CCDC172: variants seen among roughly 807,000 people sequenced by gnomAD.
The protein encoded by CCDC172 is coiled-coil domain-containing protein 172.
CCDC172 carries 30 observed loss-of-function variants against 38.0 expected under a neutral mutation model. The observed-to-expected ratio is 0.79, with a 90% CI of 0.59 to 1.07. The LOEUF (loss-of-function observed/expected upper bound fraction) is 1.07, where lower values mean the gene tolerates loss of function less well. CCDC172 is among the 50% of genes least tolerant of loss of function. The probability of loss-of-function intolerance (pLI) is 0.00; values close to 1 mark genes in which losing one functional copy is unlikely to be tolerated. For synonymous variants in CCDC172, 78 were observed against 88.3 expected (o/e 0.88, Z 0.66); for missense variants, 297 against 290.1 (o/e 1.02, Z -0.17).
intron 3 of CCDC172, among the ~76,000 whole-genome samples, chr10:116,332,420 G>T (rs757741369): frequency 6.6e-6 from 1 of 151,858 alleles, no homozygotes; most frequent in Non-Finnish European, 1.5e-5. Context: ...TTTGTTTTTT[G>T]ATGAGTCTGT....
chr10:116,329,665 C>A (rs1410917997), intron 3 of CCDC172, among the ~76,000 whole-genome samples: 1 of 152,104 alleles, frequency 6.6e-6, no homozygotes, highest in Non-Finnish European at 1.5e-5. Flanking sequence ...TAATACTATA[C>A]AAAGGTACCA....
chr10:116,355,441 T>A (rs1455707571), intron 5 of CCDC172, among the ~76,000 whole-genome samples: 1 of 152,174 alleles, frequency 6.6e-6, no homozygotes, highest in Non-Finnish European at 1.5e-5. Context: ...CTTGATGATG[T>A]TCTCACAACA....
chr10:116,331,836 T>C (rs991275206), intron 3 of CCDC172, among the ~76,000 whole-genome samples: 5 of 152,120 alleles, frequency 3.3e-5, no homozygotes, highest in Non-Finnish European at 7.4e-5. Flanking sequence ...TTTCCCCTGT[T>C]AAGGACCAGT....
chr10:116,344,864 TAA>T (rs77344850), intron 5 of CCDC172, among the ~76,000 whole-genome samples: 43 of 116,608 alleles, frequency 3.7e-4, no homozygotes, highest in Admixed American at 4.2e-4. Flanking sequence ...TACTTGAAAC[TAA>T]AAAAAAAAAA....
At chr10:116,346,514 T>C (rs900042069) in intron 5 of CCDC172, among the ~76,000 whole-genome samples, 1 of 152,054 alleles carries the variant, frequency 6.6e-6, no homozygotes, top group Non-Finnish European at 1.5e-5. Flanking sequence ...CTGTGAAGGG[T>C]CACAAATAAT....
At chr10:116,346,214 C>A (rs1251395348) in intron 5 of CCDC172, among the ~76,000 whole-genome samples, 1 of 150,420 alleles carries the variant, frequency 6.6e-6, no homozygotes, top group Non-Finnish European at 1.5e-5. Context: ...ATGGCTTGAA[C>A]CCAGGAGGCG....
At chr10:116,366,506 T>C (rs1271963131) in intron 7 of CCDC172, among the ~76,000 whole-genome samples, 1 of 152,218 alleles carries the variant, frequency 6.6e-6, no homozygotes, top group Non-Finnish European at 1.5e-5. Context: ...TTATACTATC[T>C]GGGATTTGTA....
chr10:116,363,695 G>C (rs935262238), intron 7 of CCDC172, among the ~76,000 whole-genome samples: 3 of 152,034 alleles, frequency 2.0e-5, no homozygotes, highest in Non-Finnish European at 4.4e-5. Flanking sequence ...CCAACACTTT[G>C]GGAGGCCAAA....
At chr10:116,332,709 A>G (rs1844679717) in intron 3 of CCDC172, among the ~76,000 whole-genome samples, 1 of 151,902 alleles carries the variant, frequency 6.6e-6, no homozygotes, top group African/African-American at 2.4e-5. Flanking sequence ...ATTTTAAACA[A>G]TCTATAATTC....
intron 5 of CCDC172, among the ~76,000 whole-genome samples, chr10:116,346,801 C>T (rs577780906): frequency 6.6e-6 from 1 of 151,942 alleles, no homozygotes; most frequent in African/African-American, 2.4e-5. Context: ...AAGTCTGTTT[C>T]TAGGTATTTC....
At chr10:116,343,795 C>T (rs1283879276) in intron 5 of CCDC172, among the ~76,000 whole-genome samples, 2 of 152,120 alleles carry the variant, frequency 1.3e-5, no homozygotes, top group East Asian at 3.9e-4. Flanking sequence ...GCTAAAACTA[C>T]TGAGACAATA....
At chr10:116,330,335 T>C (rs933637546) in intron 3 of CCDC172, among the ~76,000 whole-genome samples, 2 of 152,192 alleles carry the variant, frequency 1.3e-5, no homozygotes, top group African/African-American at 4.8e-5. Flanking sequence ...TTTGAAGCAG[T>C]ATGTTTCAAG....
chr10:116,329,455 A>G (rs1589945903), intron 3 of CCDC172, among the ~76,000 whole-genome samples: 1 of 152,174 alleles, frequency 6.6e-6, no homozygotes, highest in African/African-American at 2.4e-5. Flanking sequence ...CGCTCACTTC[A>G]TTTAGATCTC....
chr10:116,374,907 A>G (rs1365083428), intron 7 of CCDC172, among the ~76,000 whole-genome samples: 1 of 151,562 alleles, frequency 6.6e-6, no homozygotes, highest in Non-Finnish European at 1.5e-5. Context: ...AAAAAAAAAG[A>G]ATGGAAAGCA....
At chr10:116,366,053 G>C (rs1845119469) in intron 7 of CCDC172, among the ~76,000 whole-genome samples, 1 of 152,062 alleles carries the variant, frequency 6.6e-6, no homozygotes, top group African/African-American at 2.4e-5. Context: ...TGACTGAATA[G>C]GGTATTTCAC....
intron 8 of CCDC172, 115 bp downstream of exon 8, chr10:116,378,625 AG>A: frequency 1.3e-6 from 1 of 754,770 alleles, no homozygotes; most frequent in South Asian, 1.8e-5. Context: ...TGCAAAAAAC[AG>A]AAAAGCAATA....
rs148190183 is a variant in CCDC172, at chr10:116,374,126, T to A, written c.654-4297T>A. Reference sequence around the variant, plus strand: ...GTATATGCTACCTGCCTGCTAGTCATTTCGTAGCCATCTGAGTTATCATAT... The same window carrying A: ...GTATATGCTACCTGCCTGCTAGTCAATTCGTAGCCATCTGAGTTATCATAT... On this transcript the variant is annotated intron_variant, in intron 7 of 8. Transcript: ENST00000333254. Among the ~76,000 whole-genome samples the A allele has an allele frequency of 5.9e-3, 894 of 152,288 alleles. 11 individuals are homozygous for A. Among genetic ancestry groups the A allele is most frequent in the African/African-American group, 0.018 (752 of 41,572 alleles).
At chr10:116,362,639 A>C (rs1319831396) in intron 7 of CCDC172, among the ~76,000 whole-genome samples, 1 of 152,224 alleles carries the variant, frequency 6.6e-6, no homozygotes, top group East Asian at 1.9e-4. Flanking sequence ...CAAGAGTAAC[A>C]AGATCTCAGT....
In CCDC172 at chr10:116,344,063, A is replaced by C. The variant is rs535262707; in HGVS notation, c.448+1862A>C. On this transcript the variant is annotated intron_variant, in intron 5 of 8. Transcript: ENST00000333254. ...GAACAACCATTAAGGAAATAATCCA[A>C]AAACAAATAGCTAAAAGGACAATAT... Among the ~76,000 whole-genome samples, 22 of 152,330 alleles carry C rather than the reference A, an allele frequency of 1.4e-4. No individual in the cohort carries two copies. The East Asian group carries it at 4.2e-3, about 29-fold the overall frequency.
Sources: gnomAD v4.1 joint callset for allele counts (sites outside exome capture counted in the v4.1 genomes callset) on GRCh38, gnomAD v4.1.1 for gene constraint, MANE v1.5 for transcripts, NCBI Gene and HGNC (gene_info 2026-07-23, HGNC 2026-07-21) for gene names.